Variants in DYM observed in about 807,000 individuals in gnomAD.
DYM encodes the protein dyggve-Melchior-Clausen syndrome protein.
DYM carries 78 observed loss-of-function variants against 93.1 expected under a neutral mutation model. The ratio of observed to expected loss-of-function variants is 0.84; its 90% confidence interval spans 0.70 to 1.01. DYM has a LOEUF of 1.01. Ranked by LOEUF, DYM falls within the 50% of genes least tolerant of loss-of-function variation. The pLI is 0.00. For synonymous variants in DYM, 321 were observed against 319.7 expected, an observed-to-expected ratio of 1.00 and a Z score of -0.04; for missense variants, 789 against 845.0, an observed-to-expected ratio of 0.93 and a Z score of 0.82.
intron 13 of DYM, among the ~76,000 whole-genome samples, chr18:49,246,960 G>A (rs1218218747): frequency 6.6e-6 from 1 of 152,192 alleles, no homozygotes; most frequent in Non-Finnish European, 1.5e-5. Flanking sequence ...ACTCTCTCAT[G>A]TTTTGCACAT....
chr18:49,460,382 C>G lies in DYM; in HGVS notation c.-54+16G>C, dbSNP rs1234654255. On this transcript the variant is annotated intron_variant, in intron 1 of 17. Coordinates refer to ENST00000675505, the MANE Select transcript of DYM (RefSeq NM_001353214.3). ...TCGGGCCCGGCCGCGCTGAGGGGGG[C>G]GGCGCTACAGCCCACCTGTCTCAGC... is the stretch of plus-strand genomic sequence containing the variant. The G allele has an allele frequency of 6.6e-6, 1 of 152,288 alleles. No homozygotes were observed. The highest frequency in any genetic ancestry group is 1.9e-4 in the East Asian group (1 of 5,158). The allele number at this position is 152,288 out of a possible 1,614,324, so 9.4% of individuals were successfully genotyped here. A position where few individuals can be genotyped will look rare whatever the true frequency, so the allele number is the denominator to read the frequency against.
chr18:49,451,734 G>A (rs973792470), intron 1 of DYM, among the ~76,000 whole-genome samples: 1 of 152,156 alleles, frequency 6.6e-6, no homozygotes, highest in African/African-American at 2.4e-5. Flanking sequence ...AAACAACACG[G>A]TCCTATCATA....
At chr18:49,322,541 C>T (rs1489855838) in intron 8 of DYM, among the ~76,000 whole-genome samples, 1 of 151,956 alleles carries the variant, frequency 6.6e-6, no homozygotes, top group East Asian at 1.9e-4. Flanking sequence ...TATTTCACCT[C>T]ATGGTATCAA....
In DYM at chr18:49,148,356, CA is replaced by C. The variant is rs568864425; in HGVS notation, c.1728+15328del. On this transcript the variant is annotated intron_variant, in intron 15 of 17. Transcript: ENST00000675505. The stretch of plus-strand genomic sequence containing the variant: ...TTAAAGTATAATTTTAAAAAAAGAA[CA>C]AAAAAAAAAAGAAAATAGAAAATGT... Among the ~76,000 whole-genome samples the C allele has an allele frequency of 7.7e-3, 1,014 of 132,514 alleles. 5 individuals are homozygous for C. Among genetic ancestry groups the C allele is most frequent in the Non-Finnish European group, 8.8e-3 (531 of 60,432 alleles). The allele number at this position is 132,514 out of a possible 152,430, so 86.9% of individuals were successfully genotyped here.
At chr18:49,125,313 C>G (rs568299726) in intron 15 of DYM, among the ~76,000 whole-genome samples, 1 of 152,224 alleles carries the variant, frequency 6.6e-6, no homozygotes, top group East Asian at 1.9e-4. Flanking sequence ...AATCCCTATA[C>G]AGAAAGAATA....
At chr18:49,444,510 A>G (rs2081938874) in intron 1 of DYM, among the ~76,000 whole-genome samples, 1 of 152,202 alleles carries the variant, frequency 6.6e-6, no homozygotes, top group South Asian at 2.1e-4. Context: ...CTAAGTCACA[A>G]GTCATGTCAA....
intron 11 of DYM, among the ~76,000 whole-genome samples, chr18:49,260,392 T>C (rs532349753): frequency 5.3e-4 from 81 of 152,104 alleles, no homozygotes; most frequent in Non-Finnish European, 1.0e-3. Context: ...AAAATTAAAT[T>C]TGTGATGTGA....
intron 10 of DYM, among the ~76,000 whole-genome samples, chr18:49,273,254 A>C (rs927274670): frequency 6.6e-6 from 1 of 152,192 alleles, no homozygotes; most frequent in South Asian, 2.1e-4. Flanking sequence ...AGTTCAGTGC[A>C]TGAGCACTAT....
intron 14 of DYM, among the ~76,000 whole-genome samples, chr18:49,181,203 C>A (rs1005252563): frequency 6.6e-6 from 1 of 151,954 alleles, no homozygotes; most frequent in Admixed American, 6.6e-5. Context: ...AAGAAAAAGT[C>A]AAGGATAAAA....
At chr18:49,351,578 C>T (rs1388926861) in intron 6 of DYM, among the ~76,000 whole-genome samples, 2 of 150,296 alleles carry the variant, frequency 1.3e-5, no homozygotes, top group African/African-American at 2.4e-5. Flanking sequence ...AATCTTCCAC[C>T]GAGGAAAAGA....
At chr18:49,440,242 C>T (rs1315377887) in intron 1 of DYM, among the ~76,000 whole-genome samples, 1 of 140,972 alleles carries the variant, frequency 7.1e-6, no homozygotes, top group Non-Finnish European at 1.5e-5. Flanking sequence ...GTAAATGATG[C>T]CCTAATGCCC....
At chr18:49,289,788 T>TATAA (rs71781775) in intron 8 of DYM, among the ~76,000 whole-genome samples, 1 of 40,198 alleles carries the variant, frequency 2.5e-5, no homozygotes, top group Non-Finnish European at 4.8e-5. Flanking sequence ...TATATATATA[T>TATAA]ACACACATAT....
chr18:49,082,207 CTG>C (rs1318191888), intron 17 of DYM, among the ~76,000 whole-genome samples: 1 of 152,266 alleles, frequency 6.6e-6, no homozygotes, highest in Non-Finnish European at 1.5e-5. Context: ...ACTACATGGA[CTG>C]TACTTGGTCC....
intron 11 of DYM, among the ~76,000 whole-genome samples, chr18:49,263,283 T>C (rs562540559): frequency 1.3e-5 from 2 of 151,874 alleles, no homozygotes; most frequent in Non-Finnish European, 2.9e-5. Context: ...CACACTCGGC[T>C]AATTTTTGTA....
chr18:49,067,397 G>T (rs553126602), intron 17 of DYM, among the ~76,000 whole-genome samples: 9 of 96,642 alleles, frequency 9.3e-5, no homozygotes, highest in African/African-American at 1.5e-4. Flanking sequence ...GGAAGGAGTA[G>T]GGTGATGTGA....
At position 49,290,744 on chromosome 18, in the gene DYM, G is replaced by C. The variant is rs545822825; in HGVS notation, c.764-4128C>G. Among the ~76,000 whole-genome samples, 7 of 152,170 alleles carry C rather than the reference G, an allele frequency of 4.6e-5. No homozygotes were observed. In the South Asian group the frequency reaches 1.5e-3, roughly 32 times the overall value. The stretch of plus-strand genomic sequence containing the variant: ...CATGTAAGTCCATCTACAGGTCCCT[G>C]GCAGGGTCCACTGTAGACAGTGGTC... On this transcript the variant is annotated intron_variant, in intron 8 of 17. Transcript: ENST00000675505.
At chr18:49,107,963 G>T (rs1261853946) in intron 16 of DYM, among the ~76,000 whole-genome samples, 1 of 152,218 alleles carries the variant, frequency 6.6e-6, no homozygotes, top group African/African-American at 2.4e-5. Flanking sequence ...GTCTGCAGAG[G>T]ATTCTGCTGC....
intron 8 of DYM, among the ~76,000 whole-genome samples, chr18:49,297,720 A>C (rs1041501495): frequency 3.9e-5 from 6 of 152,148 alleles, no homozygotes; most frequent in Non-Finnish European, 7.4e-5. Flanking sequence ...TAAAATGAAC[A>C]CACAACAAAA....
chr18:49,133,481 G>A (rs958281915), intron 15 of DYM, among the ~76,000 whole-genome samples: 1 of 152,204 alleles, frequency 6.6e-6, no homozygotes, highest in African/African-American at 2.4e-5. Flanking sequence ...GAGGCCAAAA[G>A]CAAGGTGTCA....
Sources: allele counts gnomAD v4.1 joint callset (sites outside exome capture counted in the v4.1 genomes callset), GRCh38; gene constraint gnomAD v4.1.1; transcripts MANE v1.5; gene names NCBI Gene and HGNC (gene_info 2026-07-23, HGNC 2026-07-21).